Variants in C6orf118 observed in about 807,000 individuals in gnomAD.
C6orf118 encodes chromosome 6 open reading frame 118.
Under a neutral mutation model 50.2 loss-of-function variants are expected in C6orf118, and 50 were observed. The observed-to-expected ratio is 1.00, with a 90% CI of 0.79 to 1.26. C6orf118 has a LOEUF of 1.26. Ranked by LOEUF, C6orf118 falls within the 50% of genes most tolerant of loss-of-function variation. The pLI, the probability that C6orf118 is intolerant of heterozygous loss-of-function variation, is 0.00. For missense variants in C6orf118, 641 were observed against 578.7 expected (o/e 1.11, Z -1.10); for synonymous variants, 239 against 230.9 (o/e 1.03, Z -0.32).
intron 1 of C6orf118, among the ~76,000 whole-genome samples, chr6:165,309,277 G>T (rs929953454): frequency 6.6e-6 from 1 of 152,166 alleles, no homozygotes; most frequent in Non-Finnish European, 1.5e-5. Context: ...CAGGCTTCCG[G>T]AGACTCCAAC....
At chr6:165,284,881 A>T (rs1027580651) in intron 7 of C6orf118, among the ~76,000 whole-genome samples, 1 of 151,684 alleles carries the variant, frequency 6.6e-6, no homozygotes, top group Non-Finnish European at 1.5e-5. Flanking sequence ...ACACAGACCA[A>T]TGACACTATG....
chr6:165,297,767 C>T (rs1040373000), intron 5 of C6orf118, among the ~76,000 whole-genome samples: 2 of 152,222 alleles, frequency 1.3e-5, no homozygotes, highest in African/African-American at 2.4e-5. Flanking sequence ...CCTGCCCAAA[C>T]TCCCCCCATG....
At chr6:165,281,342 T>C (rs1465187520) in intron 8 of C6orf118, 1 of 246,470 alleles carries the variant, frequency 4.1e-6, no homozygotes, top group South Asian at 9.7e-5. Context: ...CAGAAAAGAA[T>C]GCAACATGTG....
intron 8 of C6orf118, among the ~76,000 whole-genome samples, chr6:165,281,080 A>C (rs1000214994): frequency 4.6e-5 from 7 of 152,220 alleles, no homozygotes; most frequent in Admixed American, 6.5e-5. Flanking sequence ...AGTTATAAAC[A>C]AATGATATAA....
intron 5 of C6orf118, among the ~76,000 whole-genome samples, chr6:165,293,793 A>G (rs1291397223): frequency 6.6e-6 from 1 of 152,204 alleles, no homozygotes; most frequent in East Asian, 1.9e-4. Context: ...TTTAAAAAAG[A>G]TAATTTAAAA....
At chr6:165,298,218 G>T in intron 4 of C6orf118, 117 bp from the exon 5 acceptor site, 37 of 1,165,840 alleles carry the variant, frequency 3.2e-5, no homozygotes, top group East Asian at 1.1e-4. Flanking sequence ...ATAAGTTCTA[G>T]TTAAAATAGG....
intron 7 of C6orf118, among the ~76,000 whole-genome samples, chr6:165,285,091 C>T (rs1212376910): frequency 2.0e-5 from 3 of 152,162 alleles, no homozygotes; most frequent in African/African-American, 4.8e-5. Flanking sequence ...CAAAGACACA[C>T]ATAGGCTCAA....
At position 165,302,251 on chromosome 6, in the gene C6orf118, A is replaced by G. The variant is rs990958822; in HGVS notation, c.71T>C (p.Leu24Pro). Reference sequence around the variant, plus strand: ...CGTCTCGCAGTGCTTCAGATTACACAGGGTCTTCACGCCTGGCGTCTCGCA... The same window carrying G: ...CGTCTCGCAGTGCTTCAGATTACACGGGGTCTTCACGCCTGGCGTCTCGCA... ...KHCETPGVKT[L>P]CNLKHCETPG... Residue 24 changes from leucine (L) to proline (P), a missense_variant, in exon 2 of 9, where the codon CTG becomes CCG. By Grantham distance (98) the Leu-to-Pro change is moderately conservative (BLOSUM62 -3). Transcript: ENST00000230301. The G allele has an allele frequency of 1.2e-6, 2 of 1,613,908 alleles. No individual in the cohort carries two copies. The highest frequency in any genetic ancestry group is 1.7e-6 in the Non-Finnish European group (2 of 1,179,966).
chr6:165,298,805 A>C (rs1193721895), intron 4 of C6orf118, among the ~76,000 whole-genome samples: 1 of 152,222 alleles, frequency 6.6e-6, no homozygotes, highest in African/African-American at 2.4e-5. Context: ...ACTAGAACTG[A>C]TCTCCTTGCA....
At chr6:165,293,310 C>T (rs2128159803) in intron 6 of C6orf118, 103 bp downstream of exon 6, 1 of 1,024,996 alleles carries the variant, frequency 9.8e-7, no homozygotes, top group East Asian at 2.4e-5. Context: ...GAGGGAGCAT[C>T]AGCATCTTCC....
At chr6:165,297,227 A>G (rs1449745826) in intron 5 of C6orf118, among the ~76,000 whole-genome samples, 1 of 151,860 alleles carries the variant, frequency 6.6e-6, no homozygotes, top group Non-Finnish European at 1.5e-5. Context: ...TCAAGACCAG[A>G]CTGGCCAACA....
rs760308731 is a variant in C6orf118 at position 165,299,476 on chromosome 6, C to T, written c.903G>A (p.Thr301=). The T allele has an allele frequency of 2.9e-5, 47 of 1,614,036 alleles. No homozygotes were observed. In the Middle Eastern group the frequency reaches 8.2e-4, roughly 28 times the overall value. Residue 301 remains threonine (T), a synonymous_variant, in exon 4 of 9, where the codon ACG becomes ACA. Coordinates refer to ENST00000230301, the MANE Select transcript of C6orf118 (RefSeq NM_144980.4). ...GTGCTGCAGGCTGGGACTCCAGGAG[C>T]GTTGCCATGTAGAGTTCATATTCAT... ...VKDEYELYMA[T]LLESQPAAQY...
chr6:165,309,573 C>T lies in C6orf118; in HGVS notation c.14G>A (p.Arg5Gln). The change falls in exon 1 of 9, where the codon CGG becomes CAG. Residue 5 changes from arginine (R) to glutamine (Q), a missense_variant. Coordinates refer to ENST00000230301, the MANE Select transcript of C6orf118 (RefSeq NM_144980.4). ...TCCAGGCCACTTACATTCAGGCTCC[C>T]GCTCCTCCGCCATCGCTTCCTTCCC... is the stretch of plus-strand genomic sequence containing the variant. MAEE[R>Q]EPELYLKWKH... is the part of the protein sequence containing the mutation. 1.2e-6 allele frequency: 2 copies of T among 1,614,170 alleles called. No individual in the cohort carries two copies. Among genetic ancestry groups the T allele is most frequent in the African/African-American group, 1.3e-5 (1 of 75,054 alleles).
At chr6:165,294,128 C>T (rs1780203823) in intron 5 of C6orf118, among the ~76,000 whole-genome samples, 1 of 151,754 alleles carries the variant, frequency 6.6e-6, no homozygotes, top group African/African-American at 2.4e-5. Flanking sequence ...TGCCTGTAGT[C>T]CCAGCTACTT....
At chr6:165,297,420 G>A (rs368476894) in intron 5 of C6orf118, among the ~76,000 whole-genome samples, 17 of 141,822 alleles carry the variant, frequency 1.2e-4, no homozygotes, top group African/African-American at 2.1e-4. Context: ...AAAAAAAAAA[G>A]AAGAACAAAT....
intron 5 of C6orf118, among the ~76,000 whole-genome samples, chr6:165,297,408 A>G (rs1352065334): frequency 6.6e-6 from 1 of 151,816 alleles, no homozygotes; most frequent in Non-Finnish European, 1.5e-5. Context: ...CATTAAAAAA[A>G]AAAAAAAAAA....
At chr6:165,300,282 T>G in intron 3 of C6orf118, 82 bp downstream of exon 3, 1 of 1,527,850 alleles carries the variant, frequency 6.5e-7, no homozygotes, top group Non-Finnish European at 8.9e-7. Context: ...TAGCAGAATT[T>G]CAGTGCGGCT....
chr6:165,281,484 T>A, intron 8 of C6orf118, 156 bp downstream of exon 8: 1 of 1,389,570 alleles, frequency 7.2e-7, no homozygotes, highest in Non-Finnish European at 9.4e-7. Flanking sequence ...TACTTACTCC[T>A]GCCTCTCTTC....
intron 5 of C6orf118, among the ~76,000 whole-genome samples, chr6:165,294,268 C>CA (rs941251293): frequency 6.2e-5 from 7 of 112,504 alleles, no homozygotes; most frequent in African/African-American, 2.0e-4. Flanking sequence ...AAAAAAAAAA[C>CA]AAAAAAAAAA....
Sources: gnomAD v4.1 joint callset for allele counts (sites outside exome capture counted in the v4.1 genomes callset) on GRCh38, gnomAD v4.1.1 for gene constraint, MANE v1.5 for transcripts, NCBI Gene and HGNC (gene_info 2026-07-23, HGNC 2026-07-21) for gene names.